NF1: variants seen among roughly 807,000 people sequenced by gnomAD.
The protein encoded by NF1 is neurofibromin 1, also known as neurofibromin.
A neutral mutation model predicts 325.7 loss-of-function variants in NF1; 122 were observed. That is an observed-to-expected ratio of 0.37 (90% CI 0.32 to 0.44). The LOEUF is 0.44. Among genes scored for constraint, NF1 ranks in the 20% least tolerant of loss-of-function variants. NF1 has a pLI of 1.00. For synonymous variants in NF1, 1,091 were observed against 1,186.0 expected, an observed-to-expected ratio of 0.92 and a Z score of 1.65; for missense variants, 2,140 against 3,415.4, an observed-to-expected ratio of 0.63 and a Z score of 9.31.
chr17:31,278,950 GA>G (rs1174451399), intron 36 of NF1, among the ~76,000 whole-genome samples: 6 of 152,114 alleles, frequency 3.9e-5, no homozygotes, highest in Non-Finnish European at 8.8e-5. Context: ...CTAAAATTTT[GA>G]AATGAGGTCA....
At chr17:31,342,670 G>T (rs1219761544) in intron 47 of NF1, among the ~76,000 whole-genome samples, 2 of 151,932 alleles carry the variant, frequency 1.3e-5, no homozygotes, top group Non-Finnish European at 2.9e-5. Context: ...CCAGTAGCGG[G>T]AGCTAATATT....
chr17:31,335,162 A>G, intron 40 of NF1, 131 bp downstream of exon 40: 1 of 741,374 alleles, frequency 1.3e-6, no homozygotes, highest in Non-Finnish European at 2.2e-6. Context: ...TCCTTCAGAA[A>G]GCATGTAGAC....
At chr17:31,129,724 C>T (rs547702926) in intron 1 of NF1, among the ~76,000 whole-genome samples, 110 of 152,208 alleles carry the variant, frequency 7.2e-4, no homozygotes, top group African/African-American at 2.5e-3. Context: ...CCACTGCGCC[C>T]GGCCATGAAA....
chr17:31,242,335 G>A (rs1266210524), intron 29 of NF1, among the ~76,000 whole-genome samples: 2 of 42,170 alleles, frequency 4.7e-5, no homozygotes, highest in Non-Finnish European at 7.6e-5. Context: ...TTTTTTTTGA[G>A]ATGGAGGTTC....
intron 48 of NF1, among the ~76,000 whole-genome samples, chr17:31,344,848 G>C (rs1390600706): frequency 1.3e-5 from 2 of 152,222 alleles, no homozygotes; most frequent in Non-Finnish European, 2.9e-5. Context: ...TGAGGCAGGT[G>C]GATTGCTTGA....
At chr17:31,182,350 C>T (rs1279878274) in intron 7 of NF1, among the ~76,000 whole-genome samples, 158 bp from the exon 8 acceptor site, 3 of 152,176 alleles carry the variant, frequency 2.0e-5, no homozygotes, top group Non-Finnish European at 4.4e-5. Context: ...CATTGCTTGT[C>T]TACTTACCAG....
At chr17:31,196,097 A>G (rs1185156933) in intron 8 of NF1, among the ~76,000 whole-genome samples, 1 of 152,066 alleles carries the variant, frequency 6.6e-6, no homozygotes, top group Admixed American at 6.5e-5. Context: ...TAATACTTAC[A>G]TATTTTGTAC....
chr17:31,162,310 C>A (rs2065776804), intron 3 of NF1, among the ~76,000 whole-genome samples: 1 of 152,034 alleles, frequency 6.6e-6, no homozygotes, highest in East Asian at 1.9e-4. Flanking sequence ...AACCCCGTCT[C>A]TACTAAAAAT....
intron 46 of NF1, 27 bp from the exon 47 acceptor site, chr17:31,340,478 T>TA (rs1233046516): frequency 6.2e-7 from 1 of 1,614,034 alleles, no homozygotes; most frequent in East Asian, 2.2e-5. Context: ...TTCATCTTAC[T>TA]AGCCTCAAAC....
chr17:31,253,781 T>A (rs1436791769), intron 31 of NF1: 1 of 152,220 alleles, frequency 6.6e-6, no homozygotes, highest in Non-Finnish European at 1.5e-5. Context: ...TAATATGCAT[T>A]CATTTTACAT....
chr17:31,149,742 T>G (rs527541377), intron 1 of NF1, among the ~76,000 whole-genome samples: 1 of 152,220 alleles, frequency 6.6e-6, no homozygotes, highest in East Asian at 1.9e-4. Flanking sequence ...AAGTTGGAGC[T>G]GTTGGGGAAA....
intron 36 of NF1, among the ~76,000 whole-genome samples, chr17:31,283,872 T>C (rs976339675): frequency 6.6e-6 from 1 of 152,228 alleles, no homozygotes; most frequent in Non-Finnish European, 1.5e-5. Flanking sequence ...GGAATTGGAA[T>C]TCTCATTTGA....
intron 1 of NF1, among the ~76,000 whole-genome samples, chr17:31,153,330 G>C (rs1313537716): frequency 6.6e-6 from 1 of 152,258 alleles, no homozygotes; most frequent in Admixed American, 6.5e-5. Flanking sequence ...ACTAGTGGCT[G>C]TTGTATTGGG....
Position 31,233,062 on chromosome 17 carries a change from T to C in NF1, c.3557T>C (p.Ile1186Thr), listed in dbSNP as rs1391846217. Residue 1186 changes from isoleucine to threonine, a missense_variant, in exon 27 of 58, where the codon ATC (isoleucine) becomes ACC (threonine). By Grantham distance (89) the Ile-to-Thr change is moderately conservative (BLOSUM62 -1). Transcript: ENST00000358273. ...ACATTTATGGAAGTTCTGACAAAAATCCTTCAACAAGGCACAGAATTTGAC... is the reference window on the plus strand; with the variant it reads ...ACATTTATGGAAGTTCTGACAAAAACCCTTCAACAAGGCACAGAATTTGAC... ...RATFMEVLTK[I>T]LQQGTEFDTL... is the part of the protein sequence containing the mutation. 1 of 1,614,056 alleles carries C rather than the reference T, an allele frequency of 6.2e-7. No individual in the cohort carries two copies. Among genetic ancestry groups the C allele is most frequent in the Non-Finnish European group, 8.5e-7 (1 of 1,180,036 alleles).
intron 36 of NF1, among the ~76,000 whole-genome samples, chr17:31,292,883 A>G (rs2068370767): frequency 6.6e-6 from 1 of 152,088 alleles, no homozygotes; most frequent in African/African-American, 2.4e-5. Context: ...TACCTCTAAG[A>G]TACCTACTTT....
intron 9 of NF1, 22 bp downstream of exon 9, chr17:31,200,617 T>C (rs2143875135): frequency 6.2e-7 from 1 of 1,611,000 alleles, no homozygotes; most frequent in East Asian, 2.2e-5. Flanking sequence ...ATTCTTTCTC[T>C]ACTACAAACT....
intron 36 of NF1, among the ~76,000 whole-genome samples, chr17:31,265,665 A>T (rs2067773541): frequency 6.6e-6 from 1 of 152,184 alleles, no homozygotes; most frequent in African/African-American, 2.4e-5. Flanking sequence ...TAGTACTCAC[A>T]ACATGATAAC....
intron 36 of NF1, chr17:31,307,745 C>G (rs2068762256): frequency 2.1e-6 from 1 of 486,416 alleles, no homozygotes; most frequent in Non-Finnish European, 3.4e-6. Context: ...TTGGTTATCT[C>G]TTAACATTAG....
At chr17:31,241,282 T>C (rs890738465) in intron 29 of NF1, among the ~76,000 whole-genome samples, 1 of 152,178 alleles carries the variant, frequency 6.6e-6, no homozygotes, top group Non-Finnish European at 1.5e-5. Context: ...GTTATTTTTG[T>C]TTGTTTTTAA....
Sources: allele counts gnomAD v4.1 joint callset (sites outside exome capture counted in the v4.1 genomes callset), GRCh38; gene constraint gnomAD v4.1.1; transcripts MANE v1.5; gene names NCBI Gene and HGNC (gene_info 2026-07-23, HGNC 2026-07-21).